Variants in SLC8A1 observed in about 807,000 individuals in gnomAD.
The protein encoded by SLC8A1 is solute carrier family 8 member A1.
SLC8A1 carries 18 observed loss-of-function variants against 68.3 expected under a neutral mutation model. The observed-to-expected ratio is 0.26, with a 90% CI of 0.18 to 0.39. The LOEUF is 0.39. Ranked by LOEUF, SLC8A1 falls within the 10% of genes least tolerant of loss-of-function variation. SLC8A1 has a pLI of 1.00. For missense variants in SLC8A1, 985 were observed against 1,156.7 expected, an observed-to-expected ratio of 0.85 and a Z score of 2.15; for synonymous variants, 475 against 415.5, an observed-to-expected ratio of 1.14 and a Z score of -1.74.
intron 2 of SLC8A1, among the ~76,000 whole-genome samples, chr2:40,256,218 G>A (rs555976876): frequency 2.6e-5 from 4 of 152,242 alleles, no homozygotes; most frequent in Admixed American, 6.5e-5. Context: ...ACCAAATGAC[G>A]TCAACACACT....
At chr2:40,145,137 T>G (rs990459302) in intron 6 of SLC8A1, among the ~76,000 whole-genome samples, 1 of 152,184 alleles carries the variant, frequency 6.6e-6, no homozygotes, top group African/African-American at 2.4e-5. Context: ...GTATTTGAGC[T>G]CTTTTCAAAC....
At chr2:40,170,176 C>T in intron 4 of SLC8A1, 105 bp downstream of exon 7, 1 of 966,162 alleles carries the variant, frequency 1.0e-6, no homozygotes, top group Non-Finnish European at 1.6e-6. Context: ...CATTATTTAG[C>T]AATGTTTTAC....
intron 2 of SLC8A1, among the ~76,000 whole-genome samples, chr2:40,243,185 C>T (rs1035527921): frequency 3.9e-5 from 6 of 152,056 alleles, no homozygotes; most frequent in African/African-American, 1.4e-4. Context: ...CACAACTTAC[C>T]AGAGCTATTT....
At chr2:40,450,953 A>T (rs1383416848) in intron 1 of SLC8A1, among the ~76,000 whole-genome samples, 1 of 150,644 alleles carries the variant, frequency 6.6e-6, no homozygotes, top group Non-Finnish European at 1.5e-5. Context: ...AAACAGCAAC[A>T]GAATCCACGG....
chr2:40,490,149 A>AGCTAT (rs1427548896), intron 1 of SLC8A1, among the ~76,000 whole-genome samples: 1 of 152,158 alleles, frequency 6.6e-6, no homozygotes, highest in African/African-American at 2.4e-5. Context: ...TTTTCAAGGA[A>AGCTAT]GCTATGCATC....
At chr2:40,300,764 G>C (rs921651944) in intron 2 of SLC8A1, among the ~76,000 whole-genome samples, 1 of 152,144 alleles carries the variant, frequency 6.6e-6, no homozygotes, top group African/African-American at 2.4e-5. Context: ...AGCAGCCGTT[G>C]AGAAATTAAT....
At chr2:40,387,934 C>CT (rs1684091444) in intron 2 of SLC8A1, among the ~76,000 whole-genome samples, 1 of 89,418 alleles carries the variant, frequency 1.1e-5, no homozygotes, top group South Asian at 3.6e-4. Context: ...GAGAGACTGC[C>CT]TCAAAAAAAA....
intron 2 of SLC8A1, among the ~76,000 whole-genome samples, chr2:40,301,933 G>A (rs1034753897): frequency 2.0e-5 from 3 of 151,888 alleles, no homozygotes; most frequent in Non-Finnish European, 4.4e-5. Context: ...CACAATCGCA[G>A]CTCACTGCAA....
intron 2 of SLC8A1, among the ~76,000 whole-genome samples, chr2:40,212,281 A>ATG (rs371395367): frequency 1.7e-5 from 2 of 118,212 alleles, no homozygotes; most frequent in African/African-American, 6.2e-5. Flanking sequence ...GAGATGCAAT[A>ATG]TCTTTTTTTT....
intron 7 of SLC8A1, among the ~76,000 whole-genome samples, chr2:40,137,983 T>C (rs1225214456): frequency 6.6e-6 from 1 of 152,162 alleles, no homozygotes; most frequent in Non-Finnish European, 1.5e-5. Flanking sequence ...TCCAGATTTA[T>C]ACTGTTCAGA....
At chr2:40,243,684 T>C (rs1374005475) in intron 2 of SLC8A1, among the ~76,000 whole-genome samples, 3 of 152,186 alleles carry the variant, frequency 2.0e-5, no homozygotes, top group Non-Finnish European at 4.4e-5. Context: ...CTGTGTATTT[T>C]TGGAAGGGTA....
rs139430405 is a variant in SLC8A1, at chr2:40,429,756, A to C, written c.525T>G (p.Ala175=). 23 of 1,613,740 alleles carry C rather than the reference A, an allele frequency of 1.4e-5. No individual in the cohort carries two copies. The African/African-American group carries it at 2.9e-4, about 21-fold the overall frequency. ...CAATAATGATGAACATATTGAATGC[A>C]GCACTTCCCACGATGGTGCTAGGAC... The change falls in exon 2 of 8, where the codon GCT becomes GCG. Residue 175 remains alanine, a synonymous_variant. Transcript: ENST00000406785.
At chr2:40,103,430 A>G (rs757100432) in exon 8 of SLC8A1, 3 of 152,198 alleles carry the variant, frequency 2.0e-5, no homozygotes, top group Non-Finnish European at 4.4e-5. Context: ...GGCATTTAAA[A>G]GACAGTTGAA....
intron 2 of SLC8A1, among the ~76,000 whole-genome samples, chr2:40,325,434 G>C (rs1340666303): frequency 6.6e-6 from 1 of 152,082 alleles, no homozygotes; most frequent in Admixed American, 6.6e-5. Flanking sequence ...CCCTGAGAAA[G>C]GCTAGGCATA....
chr2:40,160,126 T>A (rs2045408243), intron 6 of SLC8A1, among the ~76,000 whole-genome samples: 1 of 151,816 alleles, frequency 6.6e-6, no homozygotes, highest in South Asian at 2.1e-4. Context: ...ACACAAAGAG[T>A]GGACAGGGTT....
chr2:40,392,157 G>T (rs1405951413), intron 2 of SLC8A1, among the ~76,000 whole-genome samples: 1 of 125,692 alleles, frequency 8.0e-6, no homozygotes, highest in Non-Finnish European at 1.8e-5. Context: ...ATAAAAGAAA[G>T]AAAAAAGAAA....
intron 3 of SLC8A1, among the ~76,000 whole-genome samples, chr2:40,177,210 C>G (rs970180988): frequency 1.3e-5 from 2 of 152,024 alleles, no homozygotes; most frequent in African/African-American, 2.4e-5. Flanking sequence ...ATTGAAAATA[C>G]TACTCTTTAA....
At chr2:40,225,804 C>A (rs1454655750) in intron 2 of SLC8A1, among the ~76,000 whole-genome samples, 1 of 152,120 alleles carries the variant, frequency 6.6e-6, no homozygotes, top group East Asian at 1.9e-4. Context: ...CACACTTTAC[C>A]TTGGCCTCAC....
intron 2 of SLC8A1, among the ~76,000 whole-genome samples, chr2:40,357,704 AC>A (rs1188309516): frequency 6.6e-6 from 1 of 151,908 alleles, no homozygotes; most frequent in Non-Finnish European, 1.5e-5. Flanking sequence ...AAAAAAAGGA[AC>A]CTCCTCTCAT....
Sources: gnomAD v4.1 joint callset for allele counts (sites outside exome capture counted in the v4.1 genomes callset) on GRCh38, gnomAD v4.1.1 for gene constraint, MANE v1.5 for transcripts, NCBI Gene and HGNC (gene_info 2026-07-23, HGNC 2026-07-21) for gene names.